Variants in RGS6 observed in about 807,000 individuals in gnomAD.
The protein encoded by RGS6 is regulator of G protein signaling 6, also known as regulator of G-protein signaling 6.
In RGS6, 30 loss-of-function variants were observed where a neutral mutation model predicts 78.5. The ratio of observed to expected loss-of-function variants is 0.38; its 90% CI spans 0.29 to 0.52. The LOEUF is 0.52. RGS6 is among the 20% of genes least tolerant of loss of function. RGS6 has a pLI of 0.85. For missense variants in RGS6, 495 were observed against 609.7 expected (o/e 0.81, Z 1.98); for synonymous variants, 206 against 206.0 (o/e 1.00, Z 0.00).
chr14:72,402,949 A>T (rs1407487335), intron 3 of RGS6, among the ~76,000 whole-genome samples: 2 of 151,798 alleles, frequency 1.3e-5, no homozygotes, highest in Non-Finnish European at 2.9e-5. Context: ...GGTGTGTGCC[A>T]CCACACCCAG....
chr14:72,068,857 TACTTG>T, intron 2 of RGS6, among the ~76,000 whole-genome samples: 1 of 152,300 alleles, frequency 6.6e-6, no homozygotes, highest in East Asian at 1.9e-4. Context: ...AGTCTCATAA[TACTTG>T]ACTTTAAATG....
At chr14:72,179,185 G>T (rs980372262) in intron 2 of RGS6, among the ~76,000 whole-genome samples, 1 of 152,194 alleles carries the variant, frequency 6.6e-6, no homozygotes, top group African/African-American at 2.4e-5. Flanking sequence ...TGTGAGCAAA[G>T]GTCTTTTTCT....
intron 17 of RGS6, chr14:72,552,509 G>C (rs997106136): frequency 6.6e-6 from 1 of 152,216 alleles, no homozygotes; most frequent in Non-Finnish European, 1.5e-5. Context: ...GATAAGGAAT[G>C]GGTCTACCCA....
At chr14:72,547,989 C>T (rs2097433915) in intron 17 of RGS6, among the ~76,000 whole-genome samples, 1 of 152,194 alleles carries the variant, frequency 6.6e-6, no homozygotes, top group Non-Finnish European at 1.5e-5. Context: ...AAGCAATGCC[C>T]ATTCCTGCCT....
chr14:72,197,997 A>G (rs2040594451), intron 2 of RGS6, among the ~76,000 whole-genome samples: 1 of 152,124 alleles, frequency 6.6e-6, no homozygotes, highest in Non-Finnish European at 1.5e-5. Context: ...TTGCTTCCTG[A>G]CTTATCTCAG....
intron 2 of RGS6, among the ~76,000 whole-genome samples, chr14:72,192,479 G>A (rs959341055): frequency 2.6e-5 from 4 of 152,292 alleles, no homozygotes; most frequent in East Asian, 3.9e-4. Context: ...AACTCATCCT[G>A]TTCTAGGCCC....
At chr14:72,583,574 G>T in the RGS6 span, among the ~76,000 whole-genome samples, 1 of 152,188 alleles carries the variant, frequency 6.6e-6, no homozygotes, top group African/African-American at 2.4e-5. Flanking sequence ...CTTCTGAGCT[G>T]GTGTTTGCTG....
At chr14:72,109,672 T>G (rs2095710153) in intron 2 of RGS6, among the ~76,000 whole-genome samples, 1 of 152,156 alleles carries the variant, frequency 6.6e-6, no homozygotes, top group Non-Finnish European at 1.5e-5. Flanking sequence ...TCCGCATGCT[T>G]TAGATTGACT....
At chr14:72,240,541 C>T (rs1448996750) in intron 2 of RGS6, among the ~76,000 whole-genome samples, 6 of 152,134 alleles carry the variant, frequency 3.9e-5, no homozygotes, top group African/African-American at 1.4e-4. Flanking sequence ...TTTGTAGCCC[C>T]ATTATTAATT....
At chr14:71,978,990 A>G (rs78999114) in intron 2 of RGS6, among the ~76,000 whole-genome samples, 147,324 of 147,342 alleles carry the variant, frequency 1, 73,653 homozygotes, top group Middle Eastern at 1. Flanking sequence ...GTTTAGTCTT[A>G]GGAGAGTGTA....
chr14:72,547,432 A>T, intron 17 of RGS6: 1 of 949,482 alleles, frequency 1.1e-6, no homozygotes, highest in Non-Finnish European at 1.6e-6. Flanking sequence ...ACAACAGGGG[A>T]TGCTTCCCCC....
At chr14:72,507,389 A>G (rs1423481065) in intron 13 of RGS6, among the ~76,000 whole-genome samples, 2 of 152,236 alleles carry the variant, frequency 1.3e-5, no homozygotes, top group Admixed American at 1.3e-4. Flanking sequence ...AGGCTCCAGA[A>G]CTGTGAGAGA....
intron 2 of RGS6, among the ~76,000 whole-genome samples, chr14:71,981,518 CGTGTGAGGTGT>C (rs2094452065): frequency 6.6e-6 from 1 of 151,188 alleles, no homozygotes. Flanking sequence ...AATACCCGGC[CGTGTGAGGTGT>C]CAGTGTGCCC....
intron 2 of RGS6, among the ~76,000 whole-genome samples, chr14:72,208,774 A>G (rs186084924): frequency 1.4e-4 from 21 of 152,338 alleles, no homozygotes; most frequent in African/African-American, 4.6e-4. Context: ...AAAAGAATTA[A>G]TATTATTGAA....
At chr14:72,492,823 A>C (rs2096595950) in intron 12 of RGS6, among the ~76,000 whole-genome samples, 1 of 152,172 alleles carries the variant, frequency 6.6e-6, no homozygotes, top group Admixed American at 6.5e-5. Flanking sequence ...TTGCAAATAA[A>C]GTTTTATTAG....
At chr14:72,616,522 G>A in the RGS6 span, among the ~76,000 whole-genome samples, 1 of 152,152 alleles carries the variant, frequency 6.6e-6, no homozygotes, top group Non-Finnish European at 1.5e-5. Flanking sequence ...AGGCGGACAT[G>A]GAAAACATCC....
intron 2 of RGS6, among the ~76,000 whole-genome samples, chr14:71,976,034 G>C (rs76793262): frequency 0.062 from 9,419 of 151,756 alleles, 954 homozygotes; most frequent in African/African-American, 0.22. Context: ...CTTAGTTATT[G>C]ATTTTTTAAG....
intron 12 of RGS6, among the ~76,000 whole-genome samples, chr14:72,483,543 G>C (rs144987411): frequency 7.2e-5 from 11 of 152,108 alleles, no homozygotes; most frequent in African/African-American, 2.4e-4. Flanking sequence ...TACCCCTAAG[G>C]GTCTATTAAA....
intron 2 of RGS6, among the ~76,000 whole-genome samples, chr14:72,169,198 A>G (rs1433064279): frequency 6.6e-6 from 1 of 152,226 alleles, no homozygotes; most frequent in African/African-American, 2.4e-5. Context: ...TTTGTAGAGT[A>G]CATTCATCTT....
Sources: allele counts gnomAD v4.1 joint callset (sites outside exome capture counted in the v4.1 genomes callset), GRCh38; gene constraint gnomAD v4.1.1; transcripts MANE v1.5; gene names NCBI Gene and HGNC (gene_info 2026-07-23, HGNC 2026-07-21).